SS18: variants seen among roughly 807,000 people sequenced by gnomAD.
The protein encoded by SS18 is protein SSXT.
Under a neutral mutation model 72.5 loss-of-function variants are expected in SS18, and 28 were observed. The observed-to-expected ratio is 0.39, with a 90% CI of 0.29 to 0.53. SS18 has a LOEUF of 0.53. Ranked by LOEUF, SS18 falls within the 20% of genes least tolerant of loss-of-function variation. The pLI is 0.76. For synonymous variants in SS18, 172 were observed against 164.2 expected (o/e 1.05, Z -0.37); for missense variants, 518 against 535.3 (o/e 0.97, Z 0.32).
chr18:26,050,076 A>G (rs181886637), intron 5 of SS18, among the ~76,000 whole-genome samples: 2 of 152,238 alleles, frequency 1.3e-5, no homozygotes, highest in East Asian at 1.9e-4. Flanking sequence ...TCTCTACTAA[A>G]ATACAAAAAT....
chr18:26,033,037 C>T (rs1192026961), intron 9 of SS18, among the ~76,000 whole-genome samples: 2 of 152,040 alleles, frequency 1.3e-5, no homozygotes, highest in Non-Finnish European at 2.9e-5. Flanking sequence ...AAATTTGTTA[C>T]CAAAATATTT....
In SS18 at chr18:26,032,589, G is replaced by T. The variant is rs2053562949; in HGVS notation, c.1097-57C>A. The stretch of plus-strand genomic sequence containing the variant: ...TAAAAAGGTAAGTCCCTAGAACTCA[G>T]GGAAGGATGTGAACTACAGAGATGT... On this transcript the variant is annotated intron_variant, in intron 9 of 10. Transcript: ENST00000415083. The T allele has an allele frequency of 1.9e-6, 3 of 1,586,984 alleles. No homozygotes were observed. In the South Asian group the frequency reaches 3.5e-5, roughly 18 times the overall value.
chr18:26,046,991 G>C (rs1237869095), intron 5 of SS18, among the ~76,000 whole-genome samples: 1 of 152,102 alleles, frequency 6.6e-6, no homozygotes, highest in East Asian at 1.9e-4. Flanking sequence ...TCAAATGGTG[G>C]TGCTGGGGGA....
At chr18:26,018,495 C>G in intron 10 of SS18, 115 bp from the exon 11 acceptor site, 3 of 727,746 alleles carry the variant, frequency 4.1e-6, no homozygotes, top group Non-Finnish European at 6.5e-6. Context: ...GCCGTACCTA[C>G]AATAAACAAA....
At chr18:26,042,348 T>C (rs1469848329) in intron 5 of SS18, among the ~76,000 whole-genome samples, 1 of 152,210 alleles carries the variant, frequency 6.6e-6, no homozygotes, top group Non-Finnish European at 1.5e-5. Context: ...AATTTTGATG[T>C]TAAGACGCAC....
In SS18 at chr18:26,089,291, T is replaced by C. The variant is rs192724293; in HGVS notation, c.69+1210A>G. On this transcript the variant is annotated intron_variant, in intron 1 of 10. Coordinates refer to ENST00000415083, the MANE Select transcript of SS18 (RefSeq NM_001007559.3). ...AGGTGAGCCCTCCAGAAACGCAGTTTTGCGTGAGTGCGTACTTGGAGCTGT... is the reference window on the plus strand; with the variant it reads ...AGGTGAGCCCTCCAGAAACGCAGTTCTGCGTGAGTGCGTACTTGGAGCTGT... Among the ~76,000 whole-genome samples the C allele has an allele frequency of 1.2e-3, 188 of 152,370 alleles. 1 individual carries two copies. Among genetic ancestry groups the C allele is most frequent in the African/African-American group, 4.0e-3 (168 of 41,584 alleles).
chr18:26,052,886 A>G, intron 4 of SS18, 41 bp from the exon 5 acceptor site: 9 of 1,554,904 alleles, frequency 5.8e-6, no homozygotes, highest in Non-Finnish European at 7.1e-6. Context: ...TGAAAGTTAA[A>G]CAGATGGTCC....
intron 2 of SS18, among the ~76,000 whole-genome samples, chr18:26,083,514 C>T (rs1242412745): frequency 1.3e-5 from 2 of 152,164 alleles, no homozygotes; most frequent in African/African-American, 4.8e-5. Flanking sequence ...GCTTACTACA[C>T]ACCTAGGCTA....
intron 7 of SS18, among the ~76,000 whole-genome samples, chr18:26,036,592 G>A (rs148954474): frequency 0.021 from 3,120 of 151,878 alleles, 48 homozygotes; most frequent in Non-Finnish European, 0.03. Flanking sequence ...TTTTACCTGC[G>A]AGATAATTGG....
chr18:26,040,986 T>C (rs2053713404), intron 5 of SS18, among the ~76,000 whole-genome samples: 1 of 152,214 alleles, frequency 6.6e-6, no homozygotes, highest in Admixed American at 6.5e-5. Flanking sequence ...AGGACCCTAA[T>C]TCTCAATTTT....
intron 5 of SS18, among the ~76,000 whole-genome samples, chr18:26,044,657 T>A (rs1166403746): frequency 6.6e-6 from 1 of 152,050 alleles, no homozygotes; most frequent in Non-Finnish European, 1.5e-5. Context: ...GTTATTTTAA[T>A]AATCAGAAAT....
intron 4 of SS18, among the ~76,000 whole-genome samples, chr18:26,053,844 G>A (rs534564671): frequency 6.6e-6 from 1 of 152,270 alleles, no homozygotes. Flanking sequence ...ATTGTTGAAG[G>A]AACAGAAATC....
chr18:26,053,683 TACAAAA>T (rs1406716531), intron 4 of SS18, among the ~76,000 whole-genome samples: 1 of 152,042 alleles, frequency 6.6e-6, no homozygotes, highest in African/African-American at 2.4e-5. Context: ...ACACAAAAAC[TACAAAA>T]AGGTTCATCA....
intron 5 of SS18, among the ~76,000 whole-genome samples, chr18:26,043,723 G>A (rs948924307): frequency 1.2e-4 from 19 of 152,140 alleles, no homozygotes; most frequent in African/African-American, 4.3e-4. Context: ...GTAAGAAAAT[G>A]TAGGATGACT....
At chr18:26,069,523 A>AG (rs1343444772) in intron 3 of SS18, among the ~76,000 whole-genome samples, 5,763 of 150,528 alleles carry the variant, frequency 0.038, 351 homozygotes, top group African/African-American at 0.12. Flanking sequence ...AAAAAAAAAA[A>AG]AAAGAAAAAG....
rs754789944 is a variant in SS18 at position 26,057,721 on chromosome 18, T to C, written c.253A>G (p.Met85Val). 2.6e-5 allele frequency: 42 copies of C among 1,612,856 alleles called. No homozygotes were observed. The Admixed American group carries it at 4.3e-4, about 17-fold the overall frequency. Residue 85 changes from methionine (M) to valine (V), a missense_variant, in exon 4 of 11, where the codon ATG (methionine) becomes GTG (valine). Physicochemically the swap from Met to Val is conservative, Grantham distance 21. Transcript: ENST00000415083. ...CTCTGATTCATCCCTCCAGGACCCATAGGCATATTCTGTGTGGGTGGCTGA... is the reference window on the plus strand; with the variant it reads ...CTCTGATTCATCCCTCCAGGACCCACAGGCATATTCTGTGTGGGTGGCTGA... The part of the protein sequence containing the change: ...LPAPPTQNMP[M>V]GPGGMNQSGP...
At chr18:26,054,741 C>T (rs12953516) in intron 4 of SS18, among the ~76,000 whole-genome samples, 1 of 140,802 alleles carries the variant, frequency 7.1e-6, no homozygotes, top group African/African-American at 3.0e-5. Context: ...AAATCTCTCT[C>T]TCTTTTTTTT....
intron 3 of SS18, among the ~76,000 whole-genome samples, chr18:26,059,752 A>T (rs1189689755): frequency 2.6e-5 from 4 of 152,236 alleles, no homozygotes; most frequent in Admixed American, 2.0e-4. Flanking sequence ...TCTTTGGAGC[A>T]AAGTAACACA....
Position 26,057,612 on chromosome 18 carries a change from T to A in SS18, c.362A>T (p.Asn121Ile), listed in dbSNP as rs765405941. Residue 121 changes from asparagine to isoleucine, a missense_variant, in exon 4 of 11, where the codon AAC becomes ATC. Coordinates refer to ENST00000415083, the MANE Select transcript of SS18 (RefSeq NM_001007559.3). Reference sequence around the variant, plus strand: ...ACCAGGCATCTGGCCGTTCATCTGGTTCTGCATGTGCGGTGCAGGAGGACC... The same window carrying A: ...ACCAGGCATCTGGCCGTTCATCTGGATCTGCATGTGCGGTGCAGGAGGACC... ...GGGPPAPHMQ[N>I]QMNGQMPGPN... 2 of 1,614,096 alleles carry A rather than the reference T, an allele frequency of 1.2e-6. No homozygotes were observed. The highest frequency in any genetic ancestry group is 2.2e-5 in the South Asian group (2 of 91,066).
Sources: allele counts gnomAD v4.1 joint callset (sites outside exome capture counted in the v4.1 genomes callset), GRCh38; gene constraint gnomAD v4.1.1; transcripts MANE v1.5; gene names NCBI Gene and HGNC (gene_info 2026-07-23, HGNC 2026-07-21).